The following TBC1D5 variants were observed in gnomAD, a reference collection of about 807,000 sequenced individuals.
TBC1D5 encodes TBC1 domain family, member 5.
A neutral mutation model predicts 100.3 loss-of-function variants in TBC1D5; 75 were observed. That is an observed-to-expected ratio of 0.75 (90% CI 0.62 to 0.91). TBC1D5 has a LOEUF of 0.91. TBC1D5 is among the 40% of genes least tolerant of loss of function. The probability of loss-of-function intolerance (pLI) is 0.00; values close to 1 mark genes in which losing one functional copy is unlikely to be tolerated. For synonymous variants in TBC1D5, 323 were observed against 325.6 expected (o/e 0.99, Z 0.09); for missense variants, 910 against 942.4 (o/e 0.97, Z 0.45).
At chr3:17,516,885 C>T (rs2095996867) in intron 2 of TBC1D5, among the ~76,000 whole-genome samples, 1 of 152,100 alleles carries the variant, frequency 6.6e-6, no homozygotes, top group Non-Finnish European at 1.5e-5. Context: ...GCTCTGGCTA[C>T]CTAAGTCTTC....
chr3:17,469,011 C>T (rs144231007), intron 3 of TBC1D5, among the ~76,000 whole-genome samples: 1 of 152,160 alleles, frequency 6.6e-6, no homozygotes, highest in African/African-American at 2.4e-5. Context: ...TAATATTTCC[C>T]GAAGTCATTT....
intron 2 of TBC1D5, among the ~76,000 whole-genome samples, chr3:17,535,186 G>A (rs971547140): frequency 6.6e-6 from 1 of 152,078 alleles, no homozygotes; most frequent in African/African-American, 2.4e-5. Flanking sequence ...AAACAGATAC[G>A]ATTTTCAGGG....
chr3:17,516,624 A>C (rs932511325), intron 2 of TBC1D5, among the ~76,000 whole-genome samples: 1 of 152,184 alleles, frequency 6.6e-6, no homozygotes, highest in Admixed American at 6.5e-5. Context: ...TTGTAAATGC[A>C]AACTATGTAT....
chr3:17,641,185 G>A lies in TBC1D5; in HGVS notation c.-100-17272C>T, dbSNP rs187044054. On this transcript the variant is annotated intron_variant, in intron 1 of 21. Coordinates refer to ENST00000253692, the Ensembl canonical transcript of TBC1D5. ...TCTTGAGTGGGTTTTGATTTATTAG[G>A]ACACCAGGGGTCCTATGAATTAGTC... 2.5e-4 allele frequency among the ~76,000 whole-genome samples: 38 copies of A among 152,176 alleles called. No homozygotes were observed. In the East Asian group the frequency reaches 5.6e-3, roughly 22 times the overall value.
intron 1 of TBC1D5, among the ~76,000 whole-genome samples, chr3:17,714,201 C>G (rs1331988792): frequency 6.6e-6 from 1 of 152,114 alleles, no homozygotes; most frequent in African/African-American, 2.4e-5. Flanking sequence ...CTCTATTTTA[C>G]CTAAGAACTC....
intron 18 of TBC1D5, among the ~76,000 whole-genome samples, chr3:17,194,097 A>G (rs568355430): frequency 6.6e-6 from 1 of 152,182 alleles, no homozygotes. Flanking sequence ...ATTTCTAACA[A>G]TCTCCCAGGG....
chr3:17,458,968 A>C (rs1576109498), intron 3 of TBC1D5, among the ~76,000 whole-genome samples: 1 of 152,138 alleles, frequency 6.6e-6, no homozygotes, highest in African/African-American at 2.4e-5. Context: ...GCCATACAAA[A>C]CCCCCGACAA....
chr3:17,324,392 A>G lies in TBC1D5; in HGVS notation c.996-16258T>C, dbSNP rs555822942. 1.8e-4 allele frequency among the ~76,000 whole-genome samples: 28 copies of G among 152,350 alleles called. No homozygotes were observed. In the South Asian group the frequency reaches 5.8e-3, roughly 32 times the overall value. ...GTGTGGTGGCTCACACCTGTATCCT[A>G]GCACTTTGGGAGGCCGCGGCAGGCG... On this transcript the variant is annotated intron_variant, in intron 13 of 21. Coordinates refer to ENST00000253692, the Ensembl canonical transcript of TBC1D5.
intron 16 of TBC1D5, 80 bp from the exon 17 acceptor site, chr3:17,238,499 C>G: frequency 6.9e-7 from 1 of 1,458,934 alleles, no homozygotes; most frequent in Non-Finnish European, 9.1e-7. Context: ...TATAAAAGCA[C>G]ACCTTGTCTG....
intron 3 of TBC1D5, among the ~76,000 whole-genome samples, chr3:17,474,991 G>A (rs1057379341): frequency 2.0e-5 from 3 of 152,056 alleles, no homozygotes; most frequent in African/African-American, 4.8e-5. Context: ...TATGGCAAAT[G>A]AGGTCACTCT....
At chr3:17,655,134 G>T (rs2065935649) in intron 1 of TBC1D5, among the ~76,000 whole-genome samples, 1 of 151,700 alleles carries the variant, frequency 6.6e-6, no homozygotes, top group Admixed American at 6.6e-5. Flanking sequence ...TTAATTTTTT[G>T]AAGGGTTTTT....
chr3:17,397,863 T>G (rs893162079), intron 8 of TBC1D5, among the ~76,000 whole-genome samples: 1 of 152,144 alleles, frequency 6.6e-6, no homozygotes, highest in Non-Finnish European at 1.5e-5. Context: ...AAAGTTACAA[T>G]TATAAAAGTC....
At chr3:17,654,591 T>C (rs2065884226) in intron 1 of TBC1D5, among the ~76,000 whole-genome samples, 1 of 152,240 alleles carries the variant, frequency 6.6e-6, no homozygotes, top group African/African-American at 2.4e-5. Flanking sequence ...TTTGCATCAA[T>C]GTTCATCAAG....
chr3:17,650,084 G>A (rs945210446), intron 1 of TBC1D5, among the ~76,000 whole-genome samples: 2 of 151,666 alleles, frequency 1.3e-5, no homozygotes, highest in Non-Finnish European at 2.9e-5. Context: ...ATAAGTGGGA[G>A]TTAAACAATG....
chr3:17,400,927 C>A (rs576784247), intron 8 of TBC1D5, among the ~76,000 whole-genome samples: 1 of 152,094 alleles, frequency 6.6e-6, no homozygotes, highest in African/African-American at 2.4e-5. Flanking sequence ...GCTGCACTGT[C>A]GGCTTCCCTA....
intron 16 of TBC1D5, among the ~76,000 whole-genome samples, chr3:17,248,329 GAAATCAACTTCTTCTA>G (rs1466964949): frequency 2.0e-5 from 3 of 152,146 alleles, no homozygotes; most frequent in African/African-American, 7.2e-5. Context: ...GATGAGTGTT[GAAATCAACTTCTTCTA>G]AAATCAACTT....
At chr3:17,301,072 A>G (rs924821452) in intron 14 of TBC1D5, among the ~76,000 whole-genome samples, 14 of 144,742 alleles carry the variant, frequency 9.7e-5, no homozygotes, top group South Asian at 2.2e-4. Context: ...CCGTCTCAGA[A>G]AAAAAAAAAA....
At chr3:17,533,094 C>G (rs1198568906) in intron 2 of TBC1D5, among the ~76,000 whole-genome samples, 5 of 151,678 alleles carry the variant, frequency 3.3e-5, no homozygotes, top group Admixed American at 1.3e-4. Flanking sequence ...CACACACACA[C>G]ACACACACAC....
At chr3:17,613,224 T>A (rs1273236902) in intron 2 of TBC1D5, among the ~76,000 whole-genome samples, 1 of 152,230 alleles carries the variant, frequency 6.6e-6, no homozygotes, top group Non-Finnish European at 1.5e-5. Flanking sequence ...CTCATCATTG[T>A]TTATGGCTGC....
Sources: gnomAD v4.1 joint callset for allele counts (sites outside exome capture counted in the v4.1 genomes callset) on GRCh38, gnomAD v4.1.1 for gene constraint, MANE v1.5 for transcripts, NCBI Gene and HGNC (gene_info 2026-07-23, HGNC 2026-07-21) for gene names.